SERPINB10: variants seen among roughly 807,000 people sequenced by gnomAD.
SERPINB10 encodes the protein serpin B10.
Under a neutral mutation model 39.1 loss-of-function variants are expected in SERPINB10, and 35 were observed. The observed-to-expected ratio is 0.90, with a 90% CI of 0.68 to 1.19. The LOEUF is 1.19. SERPINB10 is among the 50% of genes most tolerant of loss of function. The probability of loss-of-function intolerance (pLI) is 0.00; values close to 1 mark genes in which losing one functional copy is unlikely to be tolerated. For missense variants in SERPINB10, 546 were observed against 460.5 expected, an observed-to-expected ratio of 1.19 and a Z score of -1.70; for synonymous variants, 190 against 158.1, an observed-to-expected ratio of 1.20 and a Z score of -1.52.
At chr18:63,912,924 G>A (rs2050074863) in intron 1 of SERPINB10, among the ~76,000 whole-genome samples, 1 of 151,608 alleles carries the variant, frequency 6.6e-6, no homozygotes, top group Non-Finnish European at 1.5e-5. Flanking sequence ...TTTTTTGGTT[G>A]GTAGGATTTT....
intron 5 of SERPINB10, among the ~76,000 whole-genome samples, chr18:63,924,312 C>T (rs568151230): frequency 6.6e-6 from 1 of 152,064 alleles, no homozygotes; most frequent in South Asian, 2.1e-4. Context: ...TTCCTAGTAC[C>T]TTGGGAACAC....
At chr18:63,918,721 A>T (rs892959214) in intron 4 of SERPINB10, among the ~76,000 whole-genome samples, 1 of 152,016 alleles carries the variant, frequency 6.6e-6, no homozygotes, top group Admixed American at 6.6e-5. Flanking sequence ...TCTCTGTTCA[A>T]ATCTAGTGAA....
At chr18:63,913,205 G>A (rs1260344797) in intron 1 of SERPINB10, among the ~76,000 whole-genome samples, 1 of 151,668 alleles carries the variant, frequency 6.6e-6, no homozygotes, top group Non-Finnish European at 1.5e-5. Context: ...TATCAATCAT[G>A]TTTATACTTT....
intron 1 of SERPINB10, among the ~76,000 whole-genome samples, chr18:63,909,431 T>C (rs947431747): frequency 6.6e-6 from 1 of 152,078 alleles, no homozygotes; most frequent in Non-Finnish European, 1.5e-5. Flanking sequence ...GGCTTAGTAC[T>C]TCATTAGATT....
intron 3 of SERPINB10, 53 bp from the exon 4 acceptor site, chr18:63,917,912 T>A: frequency 6.5e-7 from 1 of 1,528,208 alleles, no homozygotes; most frequent in Non-Finnish European, 9.0e-7. Context: ...TTTGCTAACA[T>A]GTACGTAACT....
chr18:63,932,029 G>T (rs777664368), intron 6 of SERPINB10, among the ~76,000 whole-genome samples: 21 of 152,118 alleles, frequency 1.4e-4, no homozygotes, highest in Non-Finnish European at 2.8e-4. Context: ...TTTGAGGCTG[G>T]CTCCATTCAC....
intron 5 of SERPINB10, among the ~76,000 whole-genome samples, chr18:63,921,743 T>G (rs150803182): frequency 6.6e-6 from 1 of 151,914 alleles, no homozygotes; most frequent in Non-Finnish European, 1.5e-5. Context: ...ACCAGACATA[T>G]AAGGGCCAAT....
rs142614000 is a variant in SERPINB10, at chr18:63,919,860, C to T, written c.445C>T (p.Gln149Ter). The part of the protein sequence containing the change: ...QPVNFVEASD[Q>*]IRKDINSWVE... ...TGTTAACTTTGTGGAAGCTTCTGAT[C>T]AAATCAGAAAGGACATCAACTCTTG... is the stretch of plus-strand genomic sequence containing the variant. The change falls in exon 5 of 8, where the codon CAA (glutamine) becomes TAA (stop). Residue 149 changes from glutamine to a stop codon, truncating the protein, a stop_gained. Coordinates refer to ENST00000238508, the MANE Select transcript of SERPINB10 (RefSeq NM_005024.3). LOFTEE classifies it high-confidence loss of function. 25 of 1,610,484 alleles carry T rather than the reference C, an allele frequency of 1.6e-5. No homozygotes were observed. In the African/African-American group the frequency reaches 3.1e-4, roughly 20 times the overall value.
intron 7 of SERPINB10, among the ~76,000 whole-genome samples, chr18:63,933,926 T>C (rs1205286543): frequency 6.6e-6 from 1 of 152,164 alleles, no homozygotes; most frequent in Non-Finnish European, 1.5e-5. Flanking sequence ...ACGATCCTAC[T>C]AGTATGTAGA....
chr18:63,908,285 T>C (rs1238419116), intron 1 of SERPINB10, among the ~76,000 whole-genome samples: 3 of 152,032 alleles, frequency 2.0e-5, no homozygotes, highest in Non-Finnish European at 2.9e-5. Flanking sequence ...TTAGAGAAAT[T>C]GTTTTTCTAG....
At position 63,917,921 on chromosome 18, in the gene SERPINB10, C is replaced by T. The variant is rs140607005; in HGVS notation, c.235-44C>T. ...CTTTAGTTTGCTAACATGTACGTAA[C>T]TCTTGTTCAACATTTTATTTGACTA... On this transcript the variant is annotated intron_variant, in intron 3 of 7. Coordinates refer to ENST00000238508, the MANE Select transcript of SERPINB10 (RefSeq NM_005024.3). 212 of 1,583,732 alleles carry T rather than the reference C, an allele frequency of 1.3e-4. 1 individual carries two copies. In the African/African-American group the frequency reaches 2.2e-3, roughly 17 times the overall value.
intron 1 of SERPINB10, among the ~76,000 whole-genome samples, chr18:63,908,383 C>A (rs1209840854): frequency 6.6e-6 from 1 of 151,966 alleles, no homozygotes; most frequent in African/African-American, 2.4e-5. Context: ...ATGTATCTGT[C>A]AACATAGGCA....
In SERPINB10 at chr18:63,935,336, A is replaced by C; in HGVS notation, c.*94A>C. The C allele has an allele frequency of 7.8e-7, 1 of 1,276,568 alleles. No homozygotes were observed. Among genetic ancestry groups the C allele is most frequent in the South Asian group, 1.5e-5 (1 of 66,832 alleles). 79.1% of individuals were successfully genotyped at this position (1,276,568 alleles called of 1,614,324 possible). A position where few individuals can be genotyped will look rare whatever the true frequency, so the allele number is the denominator to read the frequency against. On this transcript the variant is annotated 3_prime_UTR_variant, in exon 8 of 8. Coordinates refer to ENST00000238508, the MANE Select transcript of SERPINB10 (RefSeq NM_005024.3). Reference sequence around the variant, plus strand: ...ACAATTTTCACAAAAATGAGTTTGTAGTCTAAACCTTTTTCACATTTGAAT... The same window carrying C: ...ACAATTTTCACAAAAATGAGTTTGTCGTCTAAACCTTTTTCACATTTGAAT...
At chr18:63,932,182 T>C (rs1453422667) in intron 6 of SERPINB10, among the ~76,000 whole-genome samples, 1 of 152,236 alleles carries the variant, frequency 6.6e-6, no homozygotes, top group Non-Finnish European at 1.5e-5. Context: ...TTCCAATTTT[T>C]TGGCAATAAT....
chr18:63,910,975 A>G (rs2050060331), intron 1 of SERPINB10, among the ~76,000 whole-genome samples: 1 of 151,964 alleles, frequency 6.6e-6, no homozygotes, highest in Non-Finnish European at 1.5e-5. Flanking sequence ...TGACTTCTTA[A>G]TAATAGCCAT....
intron 1 of SERPINB10, among the ~76,000 whole-genome samples, chr18:63,912,155 C>G (rs139306142): frequency 6.6e-5 from 10 of 151,910 alleles, no homozygotes; most frequent in Admixed American, 3.9e-4. Flanking sequence ...TTTACTGAAG[C>G]CATTTTTCGG....
chr18:63,912,302 A>G (rs771860835), intron 1 of SERPINB10, among the ~76,000 whole-genome samples: 11 of 151,972 alleles, frequency 7.2e-5, no homozygotes, highest in Non-Finnish European at 1.3e-4. Flanking sequence ...TGCTCTGGCC[A>G]GGACTTCTAG....
At position 63,918,113 on chromosome 18, in the gene SERPINB10, A is replaced by T. The variant is rs373122721; in HGVS notation, c.372+11A>T. 106 of 1,611,410 alleles carry T rather than the reference A, an allele frequency of 6.6e-5. No homozygotes were observed. The highest frequency in any genetic ancestry group is 8.5e-5 in the Non-Finnish European group (100 of 1,178,594). The stretch of plus-strand genomic sequence containing the variant: ...TATGCATTTCACAATGTAAGTGCAA[A>T]TGTCTTATTTTAAGCTAATGGAAAA... On this transcript the variant is annotated intron_variant, in intron 4 of 7. Coordinates refer to ENST00000238508, the MANE Select transcript of SERPINB10 (RefSeq NM_005024.3).
At chr18:63,919,938 T>A in intron 5 of SERPINB10, 33 bp downstream of exon 5, 1 of 1,333,758 alleles carries the variant, frequency 7.5e-7, no homozygotes, top group African/African-American at 1.5e-5. Context: ...GGCAGCGTGC[T>A]TTTCCCAAAC....
Sources: gnomAD v4.1 joint callset for allele counts (sites outside exome capture counted in the v4.1 genomes callset) on GRCh38, gnomAD v4.1.1 for gene constraint, MANE v1.5 for transcripts, NCBI Gene and HGNC (gene_info 2026-07-23, HGNC 2026-07-21) for gene names.